VAMP7: variants seen among roughly 807,000 people sequenced by gnomAD.
The protein encoded by VAMP7 is vesicle associated membrane protein 7.
A neutral mutation model predicts 29.6 loss-of-function variants in VAMP7; 14 were observed. The observed-to-expected ratio is 0.47, with a 90% CI of 0.31 to 0.74. The LOEUF (loss-of-function observed/expected upper bound fraction) is 0.74. Ranked by LOEUF, VAMP7 falls within the 30% of genes least tolerant of loss-of-function variation. The pLI is 0.05. For synonymous variants in VAMP7, 95 were observed against 88.1 expected (o/e 1.08, Z -0.44); for missense variants, 223 against 262.4 (o/e 0.85, Z 1.04).
intron 1 of VAMP7, among the ~76,000 whole-genome samples, chrX:155,886,471 G>A (rs763812202): frequency 2.2e-4 from 34 of 152,284 alleles, no homozygotes; most frequent in East Asian, 1.5e-3. Context: ...CACTACTTGC[G>A]TATAACTTAT....
At chrX:155,939,629 T>C in intron 6 of VAMP7, 72 bp from the exon 7 acceptor site, 1 of 1,074,142 alleles carries the variant, frequency 9.3e-7, no homozygotes, top group Non-Finnish European at 1.5e-6. Flanking sequence ...AAGTAAAATG[T>C]TCTCAGGTTG....
intron 5 of VAMP7, among the ~76,000 whole-genome samples, chrX:155,917,263 T>C (rs1243910172): frequency 6.6e-6 from 1 of 152,204 alleles, no homozygotes; most frequent in Non-Finnish European, 1.5e-5. Context: ...TCCTCTAACC[T>C]TTTTTCAAGG....
intron 5 of VAMP7, among the ~76,000 whole-genome samples, chrX:155,911,283 T>A (rs2066233719): frequency 6.6e-6 from 1 of 152,122 alleles, no homozygotes; most frequent in Non-Finnish European, 1.5e-5. Flanking sequence ...AATGTCTGGC[T>A]TTTCTATTCT....
chrX:155,884,332 G>A (rs1049630821), intron 1 of VAMP7, among the ~76,000 whole-genome samples: 2 of 151,736 alleles, frequency 1.3e-5, no homozygotes, highest in Non-Finnish European at 2.9e-5. Flanking sequence ...TCTCCATGTT[G>A]GTCAGGCTGG....
At chrX:155,939,636 G>T in intron 6 of VAMP7, 65 bp from the exon 7 acceptor site, 1 of 1,146,134 alleles carries the variant, frequency 8.7e-7, no homozygotes, top group Admixed American at 1.7e-5. Context: ...ATGTTCTCAG[G>T]TTGTTACTGC....
intron 5 of VAMP7, among the ~76,000 whole-genome samples, chrX:155,913,200 T>C (rs2066262704): frequency 6.6e-6 from 1 of 152,222 alleles, no homozygotes; most frequent in Non-Finnish European, 1.5e-5. Flanking sequence ...TTTCATATCC[T>C]TCACACACTT....
At chrX:155,887,689 G>A (rs1397970128) in intron 1 of VAMP7, among the ~76,000 whole-genome samples, 2 of 152,112 alleles carry the variant, frequency 1.3e-5, no homozygotes, top group East Asian at 3.9e-4. Context: ...AGCACTTTGG[G>A]AGGCCAAGGC....
chrX:155,909,400 A>G (rs113966114), intron 5 of VAMP7, among the ~76,000 whole-genome samples: 4,703 of 152,032 alleles, frequency 0.031, 256 homozygotes, highest in African/African-American at 0.11. Context: ...AGGTTTGTCA[A>G]TTTTATTGAT....
chrX:155,902,628 A>G lies in VAMP7; in HGVS notation c.433+2041A>G, dbSNP rs1045922729. ...CTTTTCTGCATCTATTGAGATAATC[A>G]TGTGGTTTTTGTCTTTGGTTCCGTT... On this transcript the variant is annotated intron_variant, in intron 5 of 7. Transcript: ENST00000286448. 2.0e-5 allele frequency among the ~76,000 whole-genome samples: 3 copies of G among 152,160 alleles called. No homozygotes were observed. The South Asian group carries it at 6.3e-4, about 32-fold the overall frequency.
At chrX:155,924,227 C>A (rs2066437262) in intron 6 of VAMP7, among the ~76,000 whole-genome samples, 1 of 152,048 alleles carries the variant, frequency 6.6e-6, no homozygotes, top group South Asian at 2.1e-4. Flanking sequence ...ACAAATTGCC[C>A]ATTTAAAGGG....
intron 1 of VAMP7, among the ~76,000 whole-genome samples, chrX:155,882,992 C>G (rs2065822158): frequency 1.3e-5 from 2 of 152,208 alleles, no homozygotes; most frequent in African/African-American, 4.8e-5. Flanking sequence ...AAGACATTTC[C>G]TGAGCAATTG....
chrX:155,888,910 G>T (rs1204180531), intron 1 of VAMP7, among the ~76,000 whole-genome samples: 8 of 152,124 alleles, frequency 5.3e-5, no homozygotes, highest in Non-Finnish European at 8.8e-5. Flanking sequence ...TATCATAATA[G>T]TGTATAATCT....
intron 6 of VAMP7, among the ~76,000 whole-genome samples, chrX:155,932,867 A>G (rs1035837627): frequency 2.6e-5 from 4 of 152,076 alleles, no homozygotes; most frequent in African/African-American, 7.2e-5. Context: ...ATTATTTTGA[A>G]ATACGTCCCA....
intron 5 of VAMP7, among the ~76,000 whole-genome samples, chrX:155,903,624 A>G (rs1371831566): frequency 6.6e-6 from 1 of 152,196 alleles, no homozygotes; most frequent in Non-Finnish European, 1.5e-5. Context: ...ATCACTGGCC[A>G]TCAGAGAAAT....
At chrX:155,896,422 A>G (rs866182312) in intron 3 of VAMP7, among the ~76,000 whole-genome samples, 2 of 152,180 alleles carry the variant, frequency 1.3e-5, no homozygotes, top group Non-Finnish European at 2.9e-5. Context: ...ACAAAATTAC[A>G]ATACATTATG....
At chrX:155,897,947 T>G (rs1252013863) in intron 3 of VAMP7, among the ~76,000 whole-genome samples, 165 bp from the exon 4 acceptor site, 1 of 152,158 alleles carries the variant, frequency 6.6e-6, no homozygotes, top group Non-Finnish European at 1.5e-5. Flanking sequence ...GTTAGTTACT[T>G]TTTCAGAGCC....
chrX:155,942,205 G>T lies in VAMP7; in HGVS notation c.*254G>T. 1 of 1,513,790 alleles carries T rather than the reference G, an allele frequency of 6.6e-7. No individual in the cohort carries two copies. The highest frequency in any genetic ancestry group is 8.9e-7 in the Non-Finnish European group (1 of 1,129,102). The allele number at this position is 1,513,790 out of a possible 1,614,324, so 93.8% of individuals were successfully genotyped here. On this transcript the variant is annotated 3_prime_UTR_variant, in exon 8 of 8. Transcript: ENST00000286448. ...AGGCTTTTGTTTATTTCTTTGGTTT[G>T]TTAACTAGTGTCATCTATTTAGAGA...
rs181335702 is a variant in VAMP7 at position 155,913,924 on chromosome X, G to T, written c.434-5889G>T. 1.2e-4 allele frequency among the ~76,000 whole-genome samples: 18 copies of T among 152,240 alleles called. No individual in the cohort carries two copies. The East Asian group carries it at 3.3e-3, about 28-fold the overall frequency. ...AATTCTGTGAAGAAAGTCAATGGTAGCTGGATGGGGATAGCATTGAATCTA... is the reference window on the plus strand; with the variant it reads ...AATTCTGTGAAGAAAGTCAATGGTATCTGGATGGGGATAGCATTGAATCTA... On this transcript the variant is annotated intron_variant, in intron 5 of 7. Coordinates refer to ENST00000286448, the MANE Select transcript of VAMP7 (RefSeq NM_005638.6).
At chrX:155,926,179 C>G (rs775056870) in intron 6 of VAMP7, among the ~76,000 whole-genome samples, 1 of 152,266 alleles carries the variant, frequency 6.6e-6, no homozygotes, top group African/African-American at 2.4e-5. Flanking sequence ...GCATTGGTCC[C>G]TAATAAAAGT....
Sources: allele counts gnomAD v4.1 joint callset (sites outside exome capture counted in the v4.1 genomes callset), GRCh38; gene constraint gnomAD v4.1.1; transcripts MANE v1.5; gene names NCBI Gene and HGNC (gene_info 2026-07-23, HGNC 2026-07-21).